EPB41L1: variants seen among roughly 807,000 people sequenced by gnomAD.
EPB41L1 encodes the protein band 4.1-like protein 1.
A neutral mutation model predicts 97.8 loss-of-function variants in EPB41L1; 29 were observed. The observed-to-expected ratio is 0.30, with a 90% confidence interval of 0.22 to 0.40. The LOEUF (loss-of-function observed/expected upper bound fraction) is 0.40. Ranked by LOEUF, EPB41L1 falls within the 10% of genes least tolerant of loss-of-function variation. EPB41L1 has a pLI of 1.00. For synonymous variants in EPB41L1, 383 were observed against 459.2 expected, an observed-to-expected ratio of 0.83 and a Z score of 2.12; for missense variants, 812 against 1,162.3, an observed-to-expected ratio of 0.70 and a Z score of 4.38.
chr20:36,115,530 C>T (rs1454195939), intron 2 of EPB41L1, among the ~76,000 whole-genome samples: 2 of 152,236 alleles, frequency 1.3e-5, no homozygotes, highest in East Asian at 3.8e-4. Context: ...GTCATCATCA[C>T]AATAAGTCAC....
intron 2 of EPB41L1, among the ~76,000 whole-genome samples, chr20:36,129,954 T>G (rs1380927311): frequency 6.7e-6 from 1 of 150,218 alleles, no homozygotes; most frequent in Non-Finnish European, 1.5e-5. Context: ...TTTGTTTTTT[T>G]TTTTTGAGAC....
intron 7 of EPB41L1, among the ~76,000 whole-genome samples, chr20:36,186,017 T>C (rs943157388): frequency 5.9e-5 from 9 of 152,234 alleles, no homozygotes; most frequent in African/African-American, 2.2e-4. Flanking sequence ...AGCCCCATTT[T>C]TCACCTGTAT....
chr20:36,229,338 T>G lies in EPB41L1; in HGVS notation c.2644T>G (p.Ter882GlyextTer3). ...EERDKKPQES[*>G] ...CCATGCCTCTGGCTTCCAGGAATCC[T>G]GACCTCTGTGAAGAGATCCTGGCAT... Residue 882 changes from the stop codon to glycine (G), a stop_lost, in exon 22 of 22, where the codon TGA becomes GGA. Transcript: ENST00000338074. The G allele has an allele frequency of 6.6e-7, 1 of 1,523,826 alleles. No homozygotes were observed. The highest frequency in any genetic ancestry group is 8.9e-7 in the Non-Finnish European group (1 of 1,119,842). 94.4% of individuals were successfully genotyped at this position (1,523,826 alleles called of 1,614,324 possible).
At chr20:36,184,253 A>C (rs892698076) in intron 6 of EPB41L1, among the ~76,000 whole-genome samples, 2 of 152,130 alleles carry the variant, frequency 1.3e-5, no homozygotes, top group Admixed American at 6.6e-5. Flanking sequence ...AAAAAAAGAA[A>C]AAGAAATAGG....
Position 36,212,435 on chromosome 20 carries a change from C to A in EPB41L1, c.2184+59C>A. On this transcript the variant is annotated intron_variant, in intron 16 of 21. Transcript: ENST00000338074. The surrounding 1 kb of genome is among the most constrained non-coding windows in gnomAD (Gnocchi z 4.8). ...GGTATTGGGCATTTGGTGGTAGGGT[C>A]CCCACTGCTGTGGCCAAACCCCTTG... 1 of 1,475,572 alleles carries A rather than the reference C, an allele frequency of 6.8e-7. No homozygotes were observed. Among genetic ancestry groups the A allele is most frequent in the Non-Finnish European group, 9.5e-7 (1 of 1,057,026 alleles). 91.4% of individuals were successfully genotyped at this position (1,475,572 alleles called of 1,614,324 possible).
chr20:36,206,550 T>C lies in EPB41L1; in HGVS notation c.1669-2938T>C. ...TGGAGGAGAGAAAAGGGCGCCTGGA[T>C]GCCCCTCCCGGAGGTGAGCCCAGGC... is the stretch of plus-strand genomic sequence containing the variant. On this transcript the variant is annotated intron_variant, in intron 14 of 21. Coordinates refer to ENST00000338074, the MANE Select transcript of EPB41L1 (RefSeq NM_012156.2). The surrounding 1 kb of genome is among the most constrained non-coding windows in gnomAD (Gnocchi z 5.5). The C allele has an allele frequency of 8.5e-6, 11 of 1,289,818 alleles. No individual in the cohort carries two copies. Among genetic ancestry groups the C allele is most frequent in the Non-Finnish European group, 1.1e-5 (11 of 988,858 alleles). The allele number at this position is 1,289,818 out of a possible 1,614,324, so 79.9% of individuals were successfully genotyped here.
In EPB41L1 at chr20:36,209,975, A is replaced by C. The variant is rs2063041037; in HGVS notation, c.2079+77A>C. The C allele has an allele frequency of 6.5e-7, 1 of 1,545,920 alleles. No individual in the cohort carries two copies. ...AGGGCCCTGGGCCACCCGTGAGAAG[A>C]CCGAGCACCCAGCCTGCAGCCTGAA... On this transcript the variant is annotated intron_variant, in intron 15 of 21. Transcript: ENST00000338074. This position sits in a 1 kb window ranked among gnomAD's most constrained non-coding sequence, Gnocchi z 4.2.
At chr20:36,197,520 C>A in intron 13 of EPB41L1, 1 of 488,908 alleles carries the variant, frequency 2.0e-6, no homozygotes, top group Non-Finnish European at 2.7e-6. Context: ...TAAGACCGGG[C>A]TTATAGCACC....
chr20:36,145,576 T>C (rs1169758667), intron 2 of EPB41L1, among the ~76,000 whole-genome samples: 1 of 152,112 alleles, frequency 6.6e-6, no homozygotes, highest in Non-Finnish European at 1.5e-5. Flanking sequence ...CTCCGGTCAC[T>C]GAGTCTTCAC....
chr20:36,212,310 C>A lies in EPB41L1; in HGVS notation c.2118C>A (p.Ala706=), dbSNP rs758324629. ...KTETMTVSSL[A]IRKKIEPEAV... ...AAACCATGACTGTCAGCAGTCTGGC[C>A]ATTAGAAAGAAGATTGAGCCGGAGG... The change falls in exon 16 of 22, where the codon GCC becomes GCA. Residue 706 remains alanine (A), a synonymous_variant. Coordinates refer to ENST00000338074, the MANE Select transcript of EPB41L1 (RefSeq NM_012156.2). The surrounding 1 kb of genome is among the most constrained non-coding windows in gnomAD (Gnocchi z 4.8). The A allele has an allele frequency of 4.1e-5, 66 of 1,614,082 alleles. No homozygotes were observed. The highest frequency in any genetic ancestry group is 5.3e-5 in the Non-Finnish European group (62 of 1,180,042).
chr20:36,107,231 T>C (rs1354159781), intron 1 of EPB41L1, among the ~76,000 whole-genome samples: 3 of 146,642 alleles, frequency 2.0e-5, no homozygotes, highest in Non-Finnish European at 4.5e-5. Flanking sequence ...TTTTTTTTTT[T>C]TGAGAAGGAC....
At chr20:36,160,137 A>G (rs1426526069) in intron 1 of EPB41L1, among the ~76,000 whole-genome samples, 1 of 152,238 alleles carries the variant, frequency 6.6e-6, no homozygotes, top group Admixed American at 6.5e-5. Context: ...ATTAGGTATG[A>G]ACATAGATAC....
chr20:36,158,357 C>T (rs1005766210), intron 1 of EPB41L1, among the ~76,000 whole-genome samples: 17 of 152,156 alleles, frequency 1.1e-4, no homozygotes, highest in African/African-American at 3.6e-4. Flanking sequence ...ATTGCATAGG[C>T]TCAGCATGGA....
intron 5 of EPB41L1, among the ~76,000 whole-genome samples, chr20:36,180,407 C>T (rs2061429585): frequency 6.6e-6 from 1 of 152,200 alleles, no homozygotes; most frequent in Non-Finnish European, 1.5e-5. Flanking sequence ...CTTTCCACCC[C>T]TCTGGGCCCC....
chr20:36,131,359 C>A (rs1178666415), intron 2 of EPB41L1, among the ~76,000 whole-genome samples: 1 of 152,176 alleles, frequency 6.6e-6, no homozygotes, highest in Non-Finnish European at 1.5e-5. Context: ...ATCCACCCAC[C>A]TTGGCCTCCC....
At chr20:36,216,661 G>A (rs1468664805) in intron 17 of EPB41L1, among the ~76,000 whole-genome samples, 1 of 152,144 alleles carries the variant, frequency 6.6e-6, no homozygotes, top group Non-Finnish European at 1.5e-5. Flanking sequence ...CCCATGATGT[G>A]TATAGTTCTG....
chr20:36,198,378 G>T (rs2062321211), intron 14 of EPB41L1, among the ~76,000 whole-genome samples: 1 of 152,200 alleles, frequency 6.6e-6, no homozygotes, highest in Non-Finnish European at 1.5e-5. Flanking sequence ...TCAGATATTT[G>T]GACTCAGTGC....
At chr20:36,147,628 G>T (rs2059890520) in intron 2 of EPB41L1, among the ~76,000 whole-genome samples, 1 of 152,194 alleles carries the variant, frequency 6.6e-6, no homozygotes, top group Non-Finnish European at 1.5e-5. Context: ...TAGGCAAGTT[G>T]CTAGGCACAG....
At chr20:36,163,741 T>C (rs2060625260) in intron 1 of EPB41L1, among the ~76,000 whole-genome samples, 1 of 152,084 alleles carries the variant, frequency 6.6e-6, no homozygotes, top group Admixed American at 6.6e-5. Context: ...CTGGTAGAGG[T>C]GGGCAGGGAG....
Sources: allele counts gnomAD v4.1 joint callset (sites outside exome capture counted in the v4.1 genomes callset), GRCh38; gene constraint gnomAD v4.1.1; non-coding constraint Gnocchi (gnomAD v3.1); transcripts MANE v1.5; gene names NCBI Gene and HGNC (gene_info 2026-07-23, HGNC 2026-07-21).